Variants in DCTN1 observed in about 807,000 individuals in gnomAD.
DCTN1 encodes the protein 150 kDa dynein-associated polypeptide.
Under a neutral mutation model 161.2 loss-of-function variants are expected in DCTN1, and 61 were observed. The observed-to-expected ratio is 0.38, with a 90% CI of 0.31 to 0.47. The LOEUF (loss-of-function observed/expected upper bound fraction) is 0.47, where lower values mean the gene tolerates loss of function less well. Among genes scored for constraint, DCTN1 ranks in the 20% least tolerant of loss-of-function variants. The pLI is 0.99. For missense variants in DCTN1, 1,404 were observed against 1,623.7 expected (o/e 0.86, Z 2.33); for synonymous variants, 653 against 632.4 (o/e 1.03, Z -0.49).
At position 74,366,333 on chromosome 2, in the gene DCTN1, G is replaced by C. The variant is rs1256683254; in HGVS notation, c.2671C>G (p.Gln891Glu). ...GTACTGATGAGGATGTTGCATGACT[G>C]GCGCAGACACTCATAGGGGCTGCTG... Reference protein sequence around the residue: ...PSSSPYECLRQSCNILISTMN... With the variant: ...PSSSPYECLRESCNILISTMN... The change falls in exon 23 of 32, where the codon CAG (glutamine) becomes GAG (glutamate). Residue 891 changes from glutamine to glutamate, a missense_variant. Gln to Glu is a conservative substitution (Grantham distance 29, BLOSUM62 2). Coordinates refer to ENST00000628224, the MANE Select transcript of DCTN1 (RefSeq NM_004082.5). The C allele has an allele frequency of 6.2e-7, 1 of 1,614,198 alleles. No homozygotes were observed. Among genetic ancestry groups the C allele is most frequent in the East Asian group, 2.2e-5 (1 of 44,874 alleles).
exon 1 of DCTN1, chr2:74,391,852 C>T (rs1024746778): frequency 1.8e-5 from 8 of 453,436 alleles, no homozygotes; most frequent in African/African-American, 1.4e-4. Context: ...ACGCCCAAGA[C>T]CCTGCGGGGC....
chr2:74,364,949 T>C, intron 26 of DCTN1, 126 bp downstream of exon 26: 1 of 1,211,828 alleles, frequency 8.3e-7, no homozygotes. Flanking sequence ...AGAGTGAAAC[T>C]GTGTAAGCAT....
chr2:74,380,188 G>A lies in DCTN1; in HGVS notation c.-151C>T, dbSNP rs930626420. ...CCTCCCCAGTCCATGGGCCTCACTC[G>A]GTGGCCTACACGGGTAGGGGTGGGG... On this transcript the variant is annotated 5_prime_UTR_variant, in exon 1 of 32. Coordinates refer to ENST00000628224, the MANE Select transcript of DCTN1 (RefSeq NM_004082.5). 7 of 811,904 alleles carry A rather than the reference G, an allele frequency of 8.6e-6. No individual in the cohort carries two copies. Among genetic ancestry groups the A allele is most frequent in the Admixed American group, 2.0e-5 (1 of 50,768 alleles). The allele number at this position is 811,904 out of a possible 1,614,324, so 50.3% of individuals were successfully genotyped here.
rs1287449467 is a variant in DCTN1, at chr2:74,361,346, G to C, written c.*153C>G. 9.3e-7 allele frequency: 1 copy of C among 1,081,040 alleles called. No homozygotes were observed. Among genetic ancestry groups the C allele is most frequent in the African/African-American group, 1.6e-5 (1 of 64,412 alleles). The allele number at this position is 1,081,040 out of a possible 1,614,324, so 67.0% of individuals were successfully genotyped here. ...TGGGGGAACCCGGGTCAAGGTGAAGGGGCAGGACGCTGAAAGGGTGGGAGT... is the reference window on the plus strand; with the variant it reads ...TGGGGGAACCCGGGTCAAGGTGAAGCGGCAGGACGCTGAAAGGGTGGGAGT... On this transcript the variant is annotated 3_prime_UTR_variant, in exon 32 of 32. Transcript: ENST00000628224.
At chr2:74,365,380 A>T (rs1489458027) in intron 25 of DCTN1, 135 bp downstream of exon 25, 1 of 1,551,978 alleles carries the variant, frequency 6.4e-7, no homozygotes, top group Admixed American at 1.9e-5. Flanking sequence ...GGGGTGATGC[A>T]ATGGGGTTGG....
chr2:74,364,707 G>A (rs1031002681), intron 26 of DCTN1: 13 of 348,032 alleles, frequency 3.7e-5, no homozygotes, highest in Non-Finnish European at 6.1e-5. Context: ...AGCAGGTATC[G>A]GGCAGGGCTG....
chr2:74,376,832 G>A lies in DCTN1; in HGVS notation c.394-70C>T, dbSNP rs1675256135. On this transcript the variant is annotated intron_variant, in intron 4 of 31. Transcript: ENST00000628224. ...TGGGCATAGGTGTTAAGACCAACTC[G>A]GGCTTACACAGGTTAGACGCGGGTA... The A allele has an allele frequency of 7.5e-6, 11 of 1,473,708 alleles. No homozygotes were observed. The Admixed American group carries it at 7.7e-5, about 10-fold the overall frequency. The allele number at this position is 1,473,708 out of a possible 1,614,324, so 91.3% of individuals were successfully genotyped here.
intron 1 of DCTN1, chr2:74,385,479 A>G (rs758456640): frequency 6.6e-6 from 1 of 152,296 alleles, no homozygotes; most frequent in Non-Finnish European, 1.5e-5. Context: ...CCTGCGCTCT[A>G]AAGAGAGAGA....
chr2:74,365,183 T>G lies in DCTN1; in HGVS notation c.3088A>C (p.Lys1030Gln), dbSNP rs1187206825. The change falls in exon 26 of 32, where the codon AAG becomes CAG. Residue 1030 changes from lysine to glutamine, a missense_variant. Around this residue, in one of 9 missense-constraint regions of DCTN1, gnomAD observed 23 missense variants for 48.5 expected, o/e 0.47. Transcript: ENST00000628224. ...QADIDQLEAE[K>Q]AELKQRLNSQ... ...TTCAGACGCTGCTTTAGTTCTGCCTTCTCTGCCTCCAGCTGGTCGATGTCA... is the reference window on the plus strand; with the variant it reads ...TTCAGACGCTGCTTTAGTTCTGCCTGCTCTGCCTCCAGCTGGTCGATGTCA... The G allele has an allele frequency of 6.2e-7, 1 of 1,614,202 alleles. No individual in the cohort carries two copies. Among genetic ancestry groups the G allele is most frequent in the Admixed American group, 1.7e-5 (1 of 60,028 alleles).
chr2:74,374,725 G>T, intron 5 of DCTN1: 1 of 1,174,352 alleles, frequency 8.5e-7, no homozygotes, highest in South Asian at 1.7e-5. Context: ...CTCCATGGGG[G>T]TGGAGCCACT....
At chr2:74,366,158 C>G in intron 23 of DCTN1, 86 bp downstream of exon 23, 1 of 1,611,150 alleles carries the variant, frequency 6.2e-7, no homozygotes, top group Non-Finnish European at 8.5e-7. Flanking sequence ...TTCCTCCTGT[C>G]TCCCCGTCCT....
At position 74,371,712 on chromosome 2, in the gene DCTN1, C is replaced by A. The variant is rs774664170; in HGVS notation, c.470G>T (p.Ser157Ile). 3 of 1,608,650 alleles carry A rather than the reference C, an allele frequency of 1.9e-6. No homozygotes were observed. The highest frequency in any genetic ancestry group is 2.5e-6 in the Non-Finnish European group (3 of 1,178,460). The part of the protein sequence containing the change: ...TRRPKPTRPA[S>I]TGVAGASSSL... Reference sequence around the variant, plus strand: ...GCTACTGGCCCCAGCCACCCCAGTACTGGCTGGGCGCGTGGGCTATTCAGA... The same window carrying A: ...GCTACTGGCCCCAGCCACCCCAGTAATGGCTGGGCGCGTGGGCTATTCAGA... The change falls in exon 8 of 32, where the codon AGT (serine) becomes ATT (isoleucine). Residue 157 changes from serine (S) to isoleucine (I), a missense_variant. Ser to Ile is a moderately radical substitution (Grantham distance 142, BLOSUM62 -2). This residue lies in a region of DCTN1 where 174 missense variants were observed against 175.6 expected (regional missense o/e 0.99). Coordinates refer to ENST00000628224, the MANE Select transcript of DCTN1 (RefSeq NM_004082.5).
chr2:74,369,346 T>C lies in DCTN1; in HGVS notation c.1538A>G (p.Tyr513Cys). ...GCGGTACTTCTTGATGGTCTGCTGG[T>C]AGTCTGCAACCGTCTCCTGGGCTGC... ...VEAAQETVAD[Y>C]QQTIKKYRQL... Residue 513 changes from tyrosine to cysteine, a missense_variant, in exon 14 of 32, where the codon TAC (tyrosine) becomes TGC (cysteine). Transcript: ENST00000628224. The surrounding 1 kb of genome is among the most constrained non-coding windows in gnomAD (Gnocchi z 4.9). 6.2e-7 allele frequency: 1 copy of C among 1,614,170 alleles called. No individual in the cohort carries two copies. Among genetic ancestry groups the C allele is most frequent in the Non-Finnish European group, 8.5e-7 (1 of 1,180,030 alleles).
Position 74,366,844 on chromosome 2 carries a change from C to T in DCTN1, c.2405G>A (p.Arg802Gln). ...AGCATCTGTCCCTGGCATTCGCCTT[C>T]GGATCTTCTTGCAGAACTGGCGGAT... ...SDIRQFCKKI[R>Q]RRMPGTDAPG... The change falls in exon 21 of 32, where the codon CGA (arginine) becomes CAA (glutamine). Residue 802 changes from arginine to glutamine, a missense_variant. Arg to Gln is a conservative substitution (Grantham distance 43). Coordinates refer to ENST00000628224, the MANE Select transcript of DCTN1 (RefSeq NM_004082.5). The T allele has an allele frequency of 6.2e-7, 1 of 1,614,244 alleles. No homozygotes were observed. Among genetic ancestry groups the T allele is most frequent in the African/African-American group, 1.3e-5 (1 of 75,054 alleles).
chr2:74,374,520 C>G, intron 5 of DCTN1, 180 bp from the exon 6 acceptor site: 9 of 1,435,036 alleles, frequency 6.3e-6, no homozygotes, highest in Non-Finnish European at 8.4e-6. Flanking sequence ...CAGTCTCAGC[C>G]TCCCGGTGCG....
Position 74,370,376 on chromosome 2 carries a change from A to G in DCTN1, c.1128-31T>C. On this transcript the variant is annotated intron_variant, in intron 11 of 31. Coordinates refer to ENST00000628224, the MANE Select transcript of DCTN1 (RefSeq NM_004082.5). This position sits in a 1 kb window ranked among gnomAD's most constrained non-coding sequence, Gnocchi z 4.4. ...GGGATGTGAGGAAGGCAGAAGGAGG[A>G]AAGCACGTGTCAGAGTCTCTGGCGA... is the stretch of plus-strand genomic sequence containing the variant. 1 of 1,614,058 alleles carries G rather than the reference A, an allele frequency of 6.2e-7. No homozygotes were observed. Among genetic ancestry groups the G allele is most frequent in the Non-Finnish European group, 8.5e-7 (1 of 1,180,026 alleles).
chr2:74,364,698 G>A (rs1022601530), intron 26 of DCTN1: 6 of 339,390 alleles, frequency 1.8e-5, no homozygotes, highest in Middle Eastern at 9.9e-4. Flanking sequence ...GCAATCAAGA[G>A]CAGGTATCGG....
intron 28 of DCTN1, 52 bp from the exon 29 acceptor site, chr2:74,363,229 C>T (rs1019063382): frequency 8.7e-6 from 14 of 1,614,048 alleles, no homozygotes; most frequent in African/African-American, 1.3e-5. Flanking sequence ...AGGCCCCTGT[C>T]ATCTATCATC....
At position 74,369,020 on chromosome 2, in the gene DCTN1, CCCCCAGGAATCTGAAG is replaced by C. The variant is rs1674633865; in HGVS notation, c.1701+62_1701+77del. 3.8e-6 allele frequency: 6 copies of C among 1,561,590 alleles called. No individual in the cohort carries two copies. The highest frequency in any genetic ancestry group is 5.3e-6 in the Non-Finnish European group (6 of 1,137,602). ...CAAACCACCACACAAAGCACCCCTT[CCCCCAGGAATCTGAAG>C]CCCAGACCCCATACCAGTTCATCCC... is the stretch of plus-strand genomic sequence containing the variant. On this transcript the variant is annotated intron_variant, in intron 15 of 31. Coordinates refer to ENST00000628224, the MANE Select transcript of DCTN1 (RefSeq NM_004082.5). The surrounding 1 kb of genome is among the most constrained non-coding windows in gnomAD (Gnocchi z 4.9).
Sources: allele counts gnomAD v4.1 joint callset, GRCh38; gene constraint gnomAD v4.1.1; regional missense constraint gnomAD v4.1.1; non-coding constraint Gnocchi (gnomAD v3.1); transcripts MANE v1.5; gene names NCBI Gene and HGNC (gene_info 2026-07-23, HGNC 2026-07-21).